Variants in RSU1 observed in about 807,000 individuals in gnomAD.
The protein encoded by RSU1 is rsu-1.
Under a neutral mutation model 31.1 loss-of-function variants are expected in RSU1, and 26 were observed. The ratio of observed to expected loss-of-function variants is 0.84; its 90% CI spans 0.61 to 1.16. The LOEUF is 1.16. RSU1 is among the 50% of genes most tolerant of loss of function. The pLI, the probability that RSU1 is intolerant of heterozygous loss-of-function variation, is 0.00. For synonymous variants in RSU1, 164 were observed against 136.3 expected (o/e 1.20, Z -1.41); for missense variants, 320 against 339.1 (o/e 0.94, Z 0.44).
Position 16,718,588 on chromosome 10 carries a change from C to G in RSU1, c.599-23433G>C, listed in dbSNP as rs538065088. Among the ~76,000 whole-genome samples the G allele has an allele frequency of 2.0e-5, 3 of 151,840 alleles. No individual in the cohort carries two copies. In the South Asian group the frequency reaches 6.2e-4, roughly 31 times the overall value. ...TGACAATTTAAAACGGTAAATGGCA[C>G]ATCTTAGGAGAAACAAAAGTAGGCC... On this transcript the variant is annotated intron_variant, in intron 7 of 8. Transcript: ENST00000345264.
intron 3 of RSU1, among the ~76,000 whole-genome samples, chr10:16,778,892 C>T (rs1187824639): frequency 3.3e-5 from 5 of 152,166 alleles, no homozygotes; most frequent in Non-Finnish European, 5.9e-5. Flanking sequence ...CTGCCAGGTG[C>T]GTACTGCATC....
At chr10:16,720,144 C>T (rs796674779) in intron 7 of RSU1, among the ~76,000 whole-genome samples, 17 of 152,366 alleles carry the variant, frequency 1.1e-4, no homozygotes, top group African/African-American at 4.1e-4. Context: ...TCCAATCTTT[C>T]CTTTTTCCCC....
At chr10:16,788,337 A>G (rs61844014) in intron 2 of RSU1, among the ~76,000 whole-genome samples, 18,227 of 152,166 alleles carry the variant, frequency 0.12, 1,548 homozygotes, top group East Asian at 0.23. Flanking sequence ...AAAAATTCAT[A>G]TACGGAAGCC....
At chr10:16,607,354 C>T (rs1159107035) in intron 8 of RSU1, among the ~76,000 whole-genome samples, 1 of 152,106 alleles carries the variant, frequency 6.6e-6, no homozygotes. Context: ...GTCTTTATAG[C>T]AGTGTGAGAA....
At chr10:16,770,779 G>A (rs1164649969) in intron 3 of RSU1, among the ~76,000 whole-genome samples, 5 of 152,220 alleles carry the variant, frequency 3.3e-5, no homozygotes, top group Non-Finnish European at 5.9e-5. Context: ...AGGTGGCATC[G>A]CGGCATGTCC....
intron 8 of RSU1, among the ~76,000 whole-genome samples, chr10:16,647,111 A>G (rs1834586762): frequency 6.6e-6 from 1 of 151,722 alleles, no homozygotes; most frequent in Admixed American, 6.6e-5. Flanking sequence ...CTGAGTAGCT[A>G]ACATATGCGT....
chr10:16,673,364 T>A (rs994704134), intron 8 of RSU1, among the ~76,000 whole-genome samples: 1 of 152,262 alleles, frequency 6.6e-6, no homozygotes, highest in Non-Finnish European at 1.5e-5. Context: ...TTTTTCTTTT[T>A]ACTGGTGCCA....
At chr10:16,657,803 G>A (rs1045828587) in intron 8 of RSU1, among the ~76,000 whole-genome samples, 76 of 152,040 alleles carry the variant, frequency 5.0e-4, no homozygotes, top group African/African-American at 1.8e-3. Context: ...GACAAGCCTG[G>A]CCAACATGGT....
At chr10:16,602,080 C>T (rs564823345) in intron 8 of RSU1, among the ~76,000 whole-genome samples, 83 of 152,290 alleles carry the variant, frequency 5.5e-4, no homozygotes, top group African/African-American at 2.0e-3. Flanking sequence ...TGTGTTATTA[C>T]TGCCAGGAAT....
intron 7 of RSU1, among the ~76,000 whole-genome samples, chr10:16,746,732 T>A (rs775490147): frequency 4.0e-5 from 6 of 151,052 alleles, no homozygotes; most frequent in African/African-American, 1.5e-4. Context: ...AGGGTATGCA[T>A]TGAGTTTCCT....
chr10:16,785,441 C>CATATAT (rs1295145497), intron 2 of RSU1, among the ~76,000 whole-genome samples: 1,903 of 137,566 alleles, frequency 0.014, 99 homozygotes, highest in East Asian at 0.055. Flanking sequence ...TATATATATA[C>CATATAT]ACATATATAC....
At chr10:16,699,770 C>T (rs1459246773) in intron 7 of RSU1, among the ~76,000 whole-genome samples, 1 of 152,214 alleles carries the variant, frequency 6.6e-6, no homozygotes, top group Non-Finnish European at 1.5e-5. Flanking sequence ...AGTTGGAAGG[C>T]GCAGGCCACT....
intron 7 of RSU1, among the ~76,000 whole-genome samples, chr10:16,743,076 T>C (rs1220779980): frequency 1.3e-5 from 2 of 152,158 alleles, no homozygotes; most frequent in Non-Finnish European, 2.9e-5. Context: ...AAAAGAAATA[T>C]TAATGCAGAA....
At chr10:16,612,875 G>T (rs947675277) in intron 8 of RSU1, among the ~76,000 whole-genome samples, 2 of 152,134 alleles carry the variant, frequency 1.3e-5, no homozygotes, top group Non-Finnish European at 2.9e-5. Context: ...CCTGATGCCA[G>T]CAGGCAACCT....
intron 3 of RSU1, among the ~76,000 whole-genome samples, chr10:16,774,123 C>T (rs971846271): frequency 1.4e-4 from 22 of 151,824 alleles, no homozygotes; most frequent in African/African-American, 5.1e-4. Context: ...ACTGCATATG[C>T]CCATATGCCC....
In RSU1 at chr10:16,671,626, T is replaced by C. The variant is rs868320074; in HGVS notation, c.731+23397A>G. On this transcript the variant is annotated intron_variant, in intron 8 of 8. Coordinates refer to ENST00000345264, the MANE Select transcript of RSU1 (RefSeq NM_012425.4). ...ACCACACCTGACTCAAAGGTGTTTT[T>C]TTTTGTTTGTTTGTTTTTGAGATGG... 7.9e-5 allele frequency among the ~76,000 whole-genome samples: 12 copies of C among 151,002 alleles called. No homozygotes were observed. In the Middle Eastern group the frequency reaches 0.01, roughly 128 times the overall value.
chr10:16,694,481 A>C (rs1019945698), intron 8 of RSU1, among the ~76,000 whole-genome samples: 8 of 152,230 alleles, frequency 5.3e-5, no homozygotes, highest in African/African-American at 1.9e-4. Flanking sequence ...TTAATACCTC[A>C]AAAATTCTCT....
At chr10:16,789,199 A>C (rs1331958656) in intron 2 of RSU1, among the ~76,000 whole-genome samples, 1 of 152,214 alleles carries the variant, frequency 6.6e-6, no homozygotes, top group Admixed American at 6.5e-5. Flanking sequence ...AAAAGTTTAA[A>C]AGTTGTGTTT....
At chr10:16,756,030 C>A (rs1245338373) in intron 4 of RSU1, among the ~76,000 whole-genome samples, 10 of 152,178 alleles carry the variant, frequency 6.6e-5, no homozygotes, top group African/African-American at 2.4e-4. Flanking sequence ...GTGATAATAT[C>A]TCAAAATATA....
Sources: gnomAD v4.1 joint callset for allele counts (sites outside exome capture counted in the v4.1 genomes callset) on GRCh38, gnomAD v4.1.1 for gene constraint, MANE v1.5 for transcripts, NCBI Gene and HGNC (gene_info 2026-07-23, HGNC 2026-07-21) for gene names.